SYT7: variants seen among roughly 807,000 people sequenced by gnomAD.
The protein encoded by SYT7 is synaptotagmin 7, also known as synaptotagmin-7.
SYT7 carries 29 observed loss-of-function variants against 75.1 expected under a neutral mutation model. That is an observed-to-expected ratio of 0.39 (90% CI 0.29 to 0.53). The LOEUF is 0.53. SYT7 is among the 20% of genes least tolerant of loss of function. SYT7 has a pLI of 0.77. For synonymous variants in SYT7, 376 were observed against 401.7 expected (o/e 0.94, Z 0.76); for missense variants, 693 against 953.2 (o/e 0.73, Z 3.59).
intron 1 of SYT7, among the ~76,000 whole-genome samples, chr11:61,558,322 G>A (rs1007836041): frequency 6.6e-6 from 1 of 152,018 alleles, no homozygotes; most frequent in Non-Finnish European, 1.5e-5. Context: ...GGTGACGTGT[G>A]CCTGTACTCC....
At chr11:61,568,150 T>C (rs2063826102) in intron 1 of SYT7, among the ~76,000 whole-genome samples, 2 of 151,698 alleles carry the variant, frequency 1.3e-5, no homozygotes, top group East Asian at 1.9e-4. Flanking sequence ...AAGTGAGGGG[T>C]TGCAGGAGAA....
At chr11:61,549,410 T>C (rs1211105645) in intron 3 of SYT7, among the ~76,000 whole-genome samples, 1 of 152,198 alleles carries the variant, frequency 6.6e-6, no homozygotes, top group Non-Finnish European at 1.5e-5. Context: ...CCAAACTTAG[T>C]TGGCCGTGAG....
chr11:61,569,900 C>T (rs1028677254), intron 1 of SYT7, among the ~76,000 whole-genome samples: 1 of 152,222 alleles, frequency 6.6e-6, no homozygotes, highest in Non-Finnish European at 1.5e-5. Context: ...CACCCTCCTA[C>T]GCAGCCACAG....
chr11:61,546,297 G>C lies in SYT7; in HGVS notation c.348-42C>G. 1 of 1,357,994 alleles carries C rather than the reference G, an allele frequency of 7.4e-7. No homozygotes were observed. The highest frequency in any genetic ancestry group is 2.8e-5 in the East Asian group (1 of 35,256). 84.1% of individuals were successfully genotyped at this position (1,357,994 alleles called of 1,614,324 possible). On this transcript the variant is annotated intron_variant, in intron 4 of 12. Transcript: ENST00000539008. This position sits in a 1 kb window ranked among gnomAD's most constrained non-coding sequence, Gnocchi z 7.6. ...GGCAGCCAGGCCAGAGGGGCACCGG[G>C]GGTGGCGGTGGGGGAGAGAGGGCAG...
intron 2 of SYT7, among the ~76,000 whole-genome samples, chr11:61,552,456 AC>A (rs1565194206): frequency 7.9e-5 from 11 of 138,660 alleles, no homozygotes; most frequent in African/African-American, 3.8e-4. Context: ...CCGGCTGCAC[AC>A]ACACACACAC....
chr11:61,570,962 T>G (rs2063904573), intron 1 of SYT7, among the ~76,000 whole-genome samples: 1 of 152,288 alleles, frequency 6.6e-6, no homozygotes, highest in African/African-American at 2.4e-5. Flanking sequence ...AGATATTAAC[T>G]CATCGAATTT....
At position 61,546,787 on chromosome 11, in the gene SYT7, G is replaced by A. The variant is rs896580862; in HGVS notation, c.347+390C>T. ...CACCGACCACCGACCACCGACCACC[G>A]AGCAGCCACGGCAGCACACAGCGGG... On this transcript the variant is annotated intron_variant, in intron 4 of 12. Coordinates refer to ENST00000539008, the MANE Select transcript of SYT7 (RefSeq NM_001365809.2). This position sits in a 1 kb window ranked among gnomAD's most constrained non-coding sequence, Gnocchi z 7.6. 20 of 384,830 alleles carry A rather than the reference G, an allele frequency of 5.2e-5. No homozygotes were observed. The highest frequency in any genetic ancestry group is 1.6e-4 in the East Asian group (2 of 12,416). 23.8% of individuals were successfully genotyped at this position (384,830 alleles called of 1,614,324 possible). A position where few individuals can be genotyped will look rare whatever the true frequency, so the allele number is the denominator to read the frequency against.
At chr11:61,534,482 T>C (rs1233783037) in intron 7 of SYT7, among the ~76,000 whole-genome samples, 2 of 148,878 alleles carry the variant, frequency 1.3e-5, no homozygotes, top group Non-Finnish European at 3.0e-5. Flanking sequence ...CACACACACA[T>C]GCACATGAGC....
In SYT7 at chr11:61,533,105, C is replaced by T. The variant is rs1232567652; in HGVS notation, c.1084G>A (p.Ala362Thr). Residue 362 changes from alanine (A) to threonine (T), a missense_variant, in exon 8 of 13, where the codon GCG becomes ACG. Transcript: ENST00000539008. The part of the protein sequence containing the change: ...GDKRLPAGGK[A>T]VNTAPVPGQT... ...CCTGGCACGGGGGCTGTGTTCACCG[C>T]CTTCCCTCCTGCAGGCAACCTGAGG... 1.9e-6 allele frequency: 3 copies of T among 1,602,960 alleles called. No individual in the cohort carries two copies. In the African/African-American group the frequency reaches 4.0e-5, roughly 21 times the overall value.
chr11:61,542,568 G>A lies in SYT7; in HGVS notation c.584C>T (p.Ser195Phe), dbSNP rs1346288103. The change falls in exon 6 of 13, where the codon TCC becomes TTC. Residue 195 changes from serine (S) to phenylalanine (F), a missense_variant. Ser to Phe is a radical substitution (Grantham distance 155). This residue lies in a region of SYT7 where 487 missense variants were observed against 593.2 expected (regional missense o/e 0.82). Transcript: ENST00000539008. This position sits in a 1 kb window ranked among gnomAD's most constrained non-coding sequence, Gnocchi z 7.8. ...AAGGGTAGTGGCCGTGGACAGGGTG[G>A]AGTCCTCGAAACTTGGGGCAGGTGG... ...GKLNLSNFED[S>F]TLSTATTLES... 6.7e-7 allele frequency: 1 copy of A among 1,502,356 alleles called. No individual in the cohort carries two copies. The highest frequency in any genetic ancestry group is 2.5e-5 in the East Asian group (1 of 39,420). The allele number at this position is 1,502,356 out of a possible 1,614,324, so 93.1% of individuals were successfully genotyped here.
intron 1 of SYT7, among the ~76,000 whole-genome samples, chr11:61,572,301 A>G (rs2063945326): frequency 6.6e-6 from 1 of 152,170 alleles, no homozygotes; most frequent in Admixed American, 6.5e-5. Context: ...AGGAAGAACA[A>G]AGGCTTTAGG....
chr11:61,567,833 C>G (rs2063814451), intron 1 of SYT7, among the ~76,000 whole-genome samples: 1 of 152,262 alleles, frequency 6.6e-6, no homozygotes, highest in African/African-American at 2.4e-5. Context: ...CCGGGGCAAT[C>G]TGGCGCTCAG....
chr11:61,555,609 T>C (rs1037253484), intron 2 of SYT7, among the ~76,000 whole-genome samples: 1 of 151,756 alleles, frequency 6.6e-6, no homozygotes, highest in Admixed American at 6.6e-5. Flanking sequence ...AGAGCCAGGA[T>C]GGATGTGCGG....
At chr11:61,561,630 A>G (rs1293493632) in intron 1 of SYT7, among the ~76,000 whole-genome samples, 1 of 152,172 alleles carries the variant, frequency 6.6e-6, no homozygotes, top group Non-Finnish European at 1.5e-5. Context: ...TCACCACTGT[A>G]TTCCCAGCAC....
At chr11:61,566,462 G>A (rs1332653745) in intron 1 of SYT7, among the ~76,000 whole-genome samples, 1 of 152,256 alleles carries the variant, frequency 6.6e-6, no homozygotes, top group African/African-American at 2.4e-5. Context: ...AGGATGGAAA[G>A]GGCCAGGTGC....
intron 9 of SYT7, among the ~76,000 whole-genome samples, chr11:61,527,678 C>T (rs1590836859): frequency 6.6e-6 from 1 of 152,252 alleles, no homozygotes; most frequent in South Asian, 2.1e-4. Context: ...ATCAGGTTAA[C>T]CGGGCCAGGA....
intron 8 of SYT7, chr11:61,530,843 T>C (rs905700360): frequency 1.0e-6 from 1 of 985,274 alleles, no homozygotes; most frequent in Admixed American, 6.1e-5. Flanking sequence ...CTTACTCAGC[T>C]GGGACAGAGC....
At chr11:61,570,565 T>C (rs2063895351) in intron 1 of SYT7, among the ~76,000 whole-genome samples, 1 of 152,138 alleles carries the variant, frequency 6.6e-6, no homozygotes, top group African/African-American at 2.4e-5. Flanking sequence ...CCTGGCCAAG[T>C]CCACACAGCT....
chr11:61,567,702 C>A (rs899272052), intron 1 of SYT7, among the ~76,000 whole-genome samples: 5 of 152,360 alleles, frequency 3.3e-5, no homozygotes, highest in Admixed American at 6.5e-5. Context: ...CGCACTGCCT[C>A]CTGGTGGCTG....
Sources: allele counts gnomAD v4.1 joint callset (sites outside exome capture counted in the v4.1 genomes callset), GRCh38; gene constraint gnomAD v4.1.1; regional missense constraint gnomAD v4.1.1; non-coding constraint Gnocchi (gnomAD v3.1); transcripts MANE v1.5; gene names NCBI Gene and HGNC (gene_info 2026-07-23, HGNC 2026-07-21).